The following CTNNAL1 variants were observed in gnomAD, a reference collection of about 807,000 sequenced individuals.
The protein encoded by CTNNAL1 is catenin alpha like 1.
In CTNNAL1, 69 loss-of-function variants were observed where a neutral mutation model predicts 93.6. That is an observed-to-expected ratio of 0.74 (90% CI 0.61 to 0.90). The LOEUF (loss-of-function observed/expected upper bound fraction) is 0.90. CTNNAL1 is among the 40% of genes least tolerant of loss of function. The pLI is 0.00. For missense variants in CTNNAL1, 836 were observed against 862.0 expected (o/e 0.97, Z 0.38); for synonymous variants, 286 against 305.4 (o/e 0.94, Z 0.66).
chr9:108,990,763 A>G lies in CTNNAL1; in HGVS notation c.602T>C (p.Met201Thr). ...TCCACTCAGATGTGCAAACTCCACC[A>G]TTTCATTTCCAAATTGACTGAATAT... is the stretch of plus-strand genomic sequence containing the variant. ...VQIFSQFGNEMVEFAHLSGDR... is the reference protein window; with the variant it reads ...VQIFSQFGNETVEFAHLSGDR... The change falls in exon 4 of 19, where the codon ATG (methionine) becomes ACG (threonine). Residue 201 changes from methionine (M) to threonine (T), a missense_variant. Transcript: ENST00000325551. 2.5e-6 allele frequency: 4 copies of G among 1,613,742 alleles called. No individual in the cohort carries two copies. Among genetic ancestry groups the G allele is most frequent in the Non-Finnish European group, 3.4e-6 (4 of 1,179,892 alleles).
intron 1 of CTNNAL1, among the ~76,000 whole-genome samples, chr9:109,008,455 C>T (rs1443355033): frequency 6.6e-6 from 1 of 152,160 alleles, no homozygotes; most frequent in Non-Finnish European, 1.5e-5. Flanking sequence ...CCCCAATCCA[C>T]TTTTCTAATA....
chr9:108,950,649 C>A, intron 14 of CTNNAL1: 1 of 1,538,066 alleles, frequency 6.5e-7, no homozygotes, highest in Non-Finnish European at 8.8e-7. Flanking sequence ...CTTCTGTCTG[C>A]TGCCTCACCT....
intron 1 of CTNNAL1, among the ~76,000 whole-genome samples, chr9:109,007,199 C>T (rs1380302654): frequency 6.6e-6 from 1 of 151,904 alleles, no homozygotes; most frequent in Non-Finnish European, 1.5e-5. Context: ...CCCGCCATTG[C>T]ACTCCAGCCT....
Position 108,992,772 on chromosome 9 carries a change from C to T in CTNNAL1, c.379G>A (p.Glu127Lys), listed in dbSNP as rs1248520632. 1.2e-6 allele frequency: 2 copies of T among 1,613,684 alleles called. No homozygotes were observed. Among genetic ancestry groups the T allele is most frequent in the East Asian group, 2.2e-5 (1 of 44,844 alleles). Residue 127 changes from glutamate to lysine, a missense_variant, in exon 3 of 19, where the codon GAA becomes AAA. Coordinates refer to ENST00000325551, the MANE Select transcript of CTNNAL1 (RefSeq NM_003798.4). ...AAAATTGTGATCTGCCCATCAGATT[C>T]CAGATGGTTCAAGTTGGTTATGTCT... The part of the protein sequence containing the change: ...LTDITNLNHL[E>K]SDGQITIFTD...
intron 2 of CTNNAL1, among the ~76,000 whole-genome samples, 155 bp downstream of exon 2, chr9:108,998,903 CAAGCCAAGT>C (rs1438154657): frequency 6.6e-6 from 1 of 152,164 alleles, no homozygotes; most frequent in Non-Finnish European, 1.5e-5. Context: ...GGACTTGATC[CAAGCCAAGT>C]GCAGTATTCG....
intron 8 of CTNNAL1, among the ~76,000 whole-genome samples, chr9:108,976,357 T>C (rs570020043): frequency 1.3e-5 from 2 of 152,192 alleles, no homozygotes; most frequent in African/African-American, 2.4e-5. Flanking sequence ...TATTACTGAA[T>C]AGTATTTGGT....
rs1412071712 is a variant in CTNNAL1 at position 108,952,443 on chromosome 9, C to A, written c.1680+1G>T. ...AGATTAGATGTAGGAATTGGTCTTA[C>A]CTCAGAGTCAGGCTTGTCTGGCTTT... On this transcript the variant is annotated splice_donor_variant, in intron 13 of 18. Transcript: ENST00000325551. LOFTEE classifies it high-confidence loss of function. 6.2e-7 allele frequency: 1 copy of A among 1,614,072 alleles called. No homozygotes were observed. The highest frequency in any genetic ancestry group is 8.5e-7 in the Non-Finnish European group (1 of 1,180,054).
intron 11 of CTNNAL1, among the ~76,000 whole-genome samples, chr9:108,956,960 AC>A (rs1465669635): frequency 6.6e-6 from 1 of 151,752 alleles, no homozygotes; most frequent in African/African-American, 2.4e-5. Flanking sequence ...AAGATGTAGT[AC>A]AAAGGGAGAA....
At chr9:108,992,957 C>T (rs1342099101) in intron 2 of CTNNAL1, 138 bp from the exon 3 acceptor site, 1 of 934,098 alleles carries the variant, frequency 1.1e-6, no homozygotes, top group African/African-American at 1.7e-5. Flanking sequence ...AACGGTTTCA[C>T]CTTGACGATT....
At chr9:108,952,531 C>A (rs538528837) in intron 12 of CTNNAL1, 37 bp from the exon 13 acceptor site, 1 of 1,610,882 alleles carries the variant, frequency 6.2e-7, no homozygotes, top group African/African-American at 1.3e-5. Context: ...TCTTAAAAAG[C>A]AGTACATTAA....
chr9:109,007,376 G>C (rs1006062929), intron 1 of CTNNAL1, among the ~76,000 whole-genome samples: 1 of 152,302 alleles, frequency 6.6e-6, no homozygotes, highest in African/African-American at 2.4e-5. Flanking sequence ...ACAATGCAGA[G>C]AGTAATGGGA....
chr9:108,984,485 C>T (rs1252376453), intron 4 of CTNNAL1, 49 bp from the exon 5 acceptor site: 1 of 1,020,214 alleles, frequency 9.8e-7, no homozygotes, highest in East Asian at 2.4e-5. Flanking sequence ...TGTGAACAAC[C>T]CAATTTCTTA....
intron 6 of CTNNAL1, among the ~76,000 whole-genome samples, chr9:108,981,744 G>A (rs898471707): frequency 1.2e-4 from 18 of 152,074 alleles, no homozygotes; most frequent in Admixed American, 3.9e-4. Context: ...GGCCAACATG[G>A]CAAAACCCCA....
At chr9:108,972,864 G>GGGGGGGGGGCGCCCCCCCC in intron 8 of CTNNAL1, 31 bp from the exon 9 acceptor site, 3 of 142,558 alleles carry the variant, frequency 2.1e-5, no homozygotes, top group Non-Finnish European at 3.0e-5. Flanking sequence ...GGGGGGGTGG[G>GGGGGGGGGGCGCCCCCCCC]AGGGTGGAGA....
Position 108,980,698 on chromosome 9 carries a change from C to A in CTNNAL1, c.901-1217G>T, listed in dbSNP as rs972580312. Among the ~76,000 whole-genome samples the A allele has an allele frequency of 1.4e-4, 21 of 152,170 alleles. No individual in the cohort carries two copies. In the South Asian group the frequency reaches 3.3e-3, roughly 24 times the overall value. On this transcript the variant is annotated intron_variant, in intron 6 of 18. Transcript: ENST00000325551. ...AAGGTATGGAATTTACAATGGGGAT[C>A]TTCTCAGAGAATTAAATTTATTTTA...
chr9:109,013,260 C>G, intron 1 of CTNNAL1, 42 bp downstream of exon 1: 1 of 1,435,422 alleles, frequency 7.0e-7, no homozygotes, highest in Non-Finnish European at 9.1e-7. Context: ...TCGCGGGCCG[C>G]GGCGGGAAGG....
intron 1 of CTNNAL1, among the ~76,000 whole-genome samples, chr9:109,005,822 G>A (rs574218186): frequency 1.4e-4 from 21 of 152,238 alleles, no homozygotes; most frequent in Non-Finnish European, 2.2e-4. Context: ...CTATTGTTCC[G>A]TTCCAAAAGA....
intron 11 of CTNNAL1, among the ~76,000 whole-genome samples, chr9:108,959,155 C>A (rs1830760670): frequency 6.7e-6 from 1 of 149,414 alleles, no homozygotes; most frequent in African/African-American, 2.5e-5. Context: ...GTCAGGAGAT[C>A]GAGACCATCC....
chr9:108,952,597 T>C (rs1175576779), intron 12 of CTNNAL1, 103 bp from the exon 13 acceptor site: 1 of 1,409,294 alleles, frequency 7.1e-7, no homozygotes, highest in Non-Finnish European at 9.7e-7. Context: ...GTAACAAAAG[T>C]TTAAAATATT....
Sources: gnomAD v4.1 joint callset for allele counts (sites outside exome capture counted in the v4.1 genomes callset) on GRCh38, gnomAD v4.1.1 for gene constraint, MANE v1.5 for transcripts, NCBI Gene and HGNC (gene_info 2026-07-23, HGNC 2026-07-21) for gene names.